FCHSD1: variants seen among roughly 807,000 people sequenced by gnomAD.
FCHSD1 encodes the protein F-BAR and double SH3 domains protein 1.
In FCHSD1, 109 loss-of-function variants were observed where a neutral mutation model predicts 101.3. That is an observed-to-expected ratio of 1.08 (90% CI 0.92 to 1.26). The LOEUF is 1.26. Ranked by LOEUF, FCHSD1 falls within the 50% of genes most tolerant of loss-of-function variation. FCHSD1 has a pLI of 0.00. For synonymous variants in FCHSD1, 291 were observed against 356.8 expected, an observed-to-expected ratio of 0.82 and a Z score of 2.08; for missense variants, 820 against 895.8, an observed-to-expected ratio of 0.92 and a Z score of 1.08.
rs772799960 is a variant in FCHSD1 at position 141,649,521 on chromosome 5, G to A, written c.249C>T (p.Phe83=). The A allele has an allele frequency of 1.5e-5, 24 of 1,612,622 alleles. No homozygotes were observed. Among genetic ancestry groups the A allele is most frequent in the Middle Eastern group, 1.6e-4 (1 of 6,084 alleles). The part of the protein sequence containing the change: ...GEMDSRGRTV[F]GAWRCLLDAT... The stretch of plus-strand genomic sequence containing the variant: ...CATCCAGCAGGCAGCGCCAGGCACC[G>A]AACACTGTCCTGCCCCTCCCCAGAG... Residue 83 remains phenylalanine (F), a synonymous_variant, in exon 5 of 20, where the codon TTC becomes TTT. Coordinates refer to ENST00000435817, the MANE Select transcript of FCHSD1 (RefSeq NM_033449.3). The surrounding 1 kb of genome is among the most constrained non-coding windows in gnomAD (Gnocchi z 4.1).
chr5:141,644,933 C>T lies in FCHSD1; in HGVS notation c.1450G>A (p.Glu484Lys). 6.2e-7 allele frequency: 1 copy of T among 1,613,974 alleles called. No homozygotes were observed. The highest frequency in any genetic ancestry group is 2.2e-5 in the East Asian group (1 of 44,880). Reference protein sequence around the residue: ...HVVFRYQAGREDELTITEGEW... With the variant: ...HVVFRYQAGRKDELTITEGEW... ...CCCTCCGTGATTGTCAGCTCATCCT[C>T]ACGCCCTGCCTGGGCCACACACGAA... Residue 484 changes from glutamate (E) to lysine (K), a missense_variant, in exon 15 of 20, where the codon GAG (glutamate) becomes AAG (lysine). Coordinates refer to ENST00000435817, the MANE Select transcript of FCHSD1 (RefSeq NM_033449.3).
chr5:141,645,887 C>G lies in FCHSD1; in HGVS notation c.1195G>C (p.Ala399Pro), dbSNP rs761663840. Reference protein sequence around the residue: ...GAARLALLQGAGLDVERWLKP... With the variant: ...GAARLALLQGPGLDVERWLKP... ...AGCCAGCGCTCCACATCTAAGCCAGCCCCCTGCAGCAGGGCCAGCCGGGCA... is the reference window on the plus strand; with the variant it reads ...AGCCAGCGCTCCACATCTAAGCCAGGCCCCTGCAGCAGGGCCAGCCGGGCA... The change falls in exon 13 of 20, where the codon GCT becomes CCT. Residue 399 changes from alanine (A) to proline (P), a missense_variant. Physicochemically the swap from Ala to Pro is conservative, Grantham distance 27 (BLOSUM62 -1). Coordinates refer to ENST00000435817, the MANE Select transcript of FCHSD1 (RefSeq NM_033449.3). The G allele has an allele frequency of 5.1e-6, 8 of 1,581,682 alleles. No homozygotes were observed. Among genetic ancestry groups the G allele is most frequent in the Non-Finnish European group, 6.9e-6 (8 of 1,163,578 alleles).
chr5:141,640,610 G>A lies in FCHSD1; in HGVS notation c.*888C>T, dbSNP rs1057136210. 3.2e-6 allele frequency: 5 copies of A among 1,541,356 alleles called. No individual in the cohort carries two copies. The Admixed American group carries it at 7.9e-5, about 24-fold the overall frequency. ...AGGTAGGGAAGGTCCTGGAGCCCCA[G>A]GGGAAAAGCTGGACACAGCTTGAAC... On this transcript the variant is annotated 3_prime_UTR_variant, in exon 20 of 20. Transcript: ENST00000435817.
chr5:141,643,718 C>T (rs922012487), intron 17 of FCHSD1, among the ~76,000 whole-genome samples: 23 of 152,136 alleles, frequency 1.5e-4, no homozygotes, highest in Admixed American at 4.6e-4. Context: ...CGTGGCAGCA[C>T]GTGCCTGTAA....
chr5:141,644,506 G>A, intron 16 of FCHSD1, 67 bp downstream of exon 16: 1 of 1,607,978 alleles, frequency 6.2e-7, no homozygotes, highest in Non-Finnish European at 8.5e-7. Flanking sequence ...TGACACCCCA[G>A]GGCTACAACC....
In FCHSD1 at chr5:141,640,341, T is replaced by C; in HGVS notation, c.*1157A>G. 1 of 1,613,986 alleles carries C rather than the reference T, an allele frequency of 6.2e-7. No homozygotes were observed. The highest frequency in any genetic ancestry group is 8.5e-7 in the Non-Finnish European group (1 of 1,179,938). On this transcript the variant is annotated 3_prime_UTR_variant, in exon 20 of 20. Transcript: ENST00000435817. The stretch of plus-strand genomic sequence containing the variant: ...CTGCACTGGGCTGGGCTCTTATTGC[T>C]CTCTACTCTGGGGGGCACTGATAGG...
In FCHSD1 at chr5:141,645,108, T is replaced by A; in HGVS notation, c.1352A>T (p.Glu451Val). 1 of 1,569,636 alleles carries A rather than the reference T, an allele frequency of 6.4e-7. No homozygotes were observed. The highest frequency in any genetic ancestry group is 8.6e-7 in the Non-Finnish European group (1 of 1,157,040). The part of the protein sequence containing the change: ...AELSDFEECE[E>V]TGELFEEPAP... ...AGGCTCCTCAAAGAGCTCTCCCGTCTCCTCACATTCCTCAAAGTCAGAAAG... is the reference window on the plus strand; with the variant it reads ...AGGCTCCTCAAAGAGCTCTCCCGTCACCTCACATTCCTCAAAGTCAGAAAG... Residue 451 changes from glutamate (E) to valine (V), a missense_variant, in exon 14 of 20, where the codon GAG (glutamate) becomes GTG (valine). By Grantham distance (121) the Glu-to-Val change is moderately radical. Coordinates refer to ENST00000435817, the MANE Select transcript of FCHSD1 (RefSeq NM_033449.3).
At chr5:141,651,172 C>G in intron 1 of FCHSD1, 55 bp from the exon 2 acceptor site, 1 of 1,525,276 alleles carries the variant, frequency 6.6e-7, no homozygotes, top group South Asian at 1.2e-5. Flanking sequence ...AAAAACACTC[C>G]GCGCAGGGAG....
In FCHSD1 at chr5:141,639,993, T is replaced by C; in HGVS notation, c.*1505A>G. On this transcript the variant is annotated 3_prime_UTR_variant, in exon 20 of 20. Coordinates refer to ENST00000435817, the MANE Select transcript of FCHSD1 (RefSeq NM_033449.3). The surrounding 1 kb of genome is among the most constrained non-coding windows in gnomAD (Gnocchi z 4.4). ...TGATGGCTCCCCCACAGACAGGAGC[T>C]GGGGCTCTGGTGGGGGACAGGACCC... is the stretch of plus-strand genomic sequence containing the variant. 1 of 1,613,562 alleles carries C rather than the reference T, an allele frequency of 6.2e-7. No individual in the cohort carries two copies. Among genetic ancestry groups the C allele is most frequent in the Non-Finnish European group, 8.5e-7 (1 of 1,179,788 alleles).
At chr5:141,643,754 A>G (rs1007190290) in intron 17 of FCHSD1, among the ~76,000 whole-genome samples, 3 of 151,942 alleles carry the variant, frequency 2.0e-5, no homozygotes, top group Non-Finnish European at 4.4e-5. Flanking sequence ...GGGCTGATAC[A>G]GGAGAATCGT....
chr5:141,643,714 A>G (rs467677), intron 17 of FCHSD1, among the ~76,000 whole-genome samples: 26,750 of 151,970 alleles, frequency 0.18, 2,954 homozygotes, highest in African/African-American at 0.31. Context: ...CGGGCGTGGC[A>G]GCACGTGCCT....
chr5:141,644,379 G>C lies in FCHSD1; in HGVS notation c.1702C>G (p.Pro568Ala). ...TGQSAEELSFPEGALIRLLPR... is the reference protein window; with the variant it reads ...TGQSAEELSFAEGALIRLLPR... ...AGCAGACGGATGAGTGCCCCCTCAG[G>C]GAAGCTCAGCTCCTCTGCACTCTGT... Residue 568 changes from proline (P) to alanine (A), a missense_variant, in exon 17 of 20, where the codon CCT (proline) becomes GCT (alanine). Pro to Ala is a conservative substitution (Grantham distance 27). Transcript: ENST00000435817. The C allele has an allele frequency of 6.2e-7, 1 of 1,613,950 alleles. No individual in the cohort carries two copies. Among genetic ancestry groups the C allele is most frequent in the Non-Finnish European group, 8.5e-7 (1 of 1,179,864 alleles).
chr5:141,642,632 C>T (rs1464330129), intron 18 of FCHSD1: 2 of 540,416 alleles, frequency 3.7e-6, no homozygotes, highest in Non-Finnish European at 6.5e-6. Context: ...TGGGAGGACA[C>T]CGTGAGAGAA....
At position 141,644,626 on chromosome 5, in the gene FCHSD1, G is replaced by T. The variant is rs2291110; in HGVS notation, c.1589C>A (p.Ser530Tyr). 1.6e-4 allele frequency: 257 copies of T among 1,613,984 alleles called. No homozygotes were observed. In the East Asian group the frequency reaches 4.8e-3, roughly 30 times the overall value. Residue 530 changes from serine (S) to tyrosine (Y), a missense_variant, in exon 16 of 20, where the codon TCC becomes TAC. Coordinates refer to ENST00000435817, the MANE Select transcript of FCHSD1 (RefSeq NM_033449.3). ...PERYLNFPDL[S>Y]LPESSQDSDN... is the part of the protein sequence containing the mutation. The stretch of plus-strand genomic sequence containing the variant: ...ACTGTCTTGGCTGCTCTCTGGGAGG[G>T]AGAGGTCCGGGAAGTTGAGATATCG...
chr5:141,648,238 A>G, intron 7 of FCHSD1, 142 bp from the exon 8 acceptor site: 1 of 1,024,936 alleles, frequency 9.8e-7, no homozygotes, highest in South Asian at 1.8e-5. Flanking sequence ...AATGTTGCAT[A>G]CACACAACTC....
intron 13 of FCHSD1, 138 bp from the exon 14 acceptor site, chr5:141,645,286 CCA>C (rs2099907513): frequency 6.0e-6 from 7 of 1,157,824 alleles, no homozygotes; most frequent in Non-Finnish European, 8.5e-6. Context: ...ATGTACACAA[CCA>C]CAGTCACCAC....
chr5:141,643,704 C>T (rs1035566214), intron 17 of FCHSD1, among the ~76,000 whole-genome samples: 13 of 152,040 alleles, frequency 8.6e-5, no homozygotes, highest in Non-Finnish European at 1.3e-4. Context: ...GAAAATTAGC[C>T]GGGCGTGGCA....
In FCHSD1 at chr5:141,639,345, T is replaced by C. The variant is rs2099906569; in HGVS notation, c.*2153A>G. 1.3e-6 allele frequency: 1 copy of C among 758,478 alleles called. No homozygotes were observed. The highest frequency in any genetic ancestry group is 2.1e-6 in the Non-Finnish European group (1 of 478,632). 47.0% of individuals were successfully genotyped at this position (758,478 alleles called of 1,614,324 possible). On this transcript the variant is annotated 3_prime_UTR_variant, in exon 20 of 20. Coordinates refer to ENST00000435817, the MANE Select transcript of FCHSD1 (RefSeq NM_033449.3). The surrounding 1 kb of genome is among the most constrained non-coding windows in gnomAD (Gnocchi z 4.4). Reference sequence around the variant, plus strand: ...TTTATTAGATAAAGACAAGAAAAAATGGGGCTTGGGGAAATTGGGGCTTCT... The same window carrying C: ...TTTATTAGATAAAGACAAGAAAAAACGGGGCTTGGGGAAATTGGGGCTTCT...
rs563760739 is a variant in FCHSD1 at position 141,649,110 on chromosome 5, C to G, written c.512+62G>C. ...CCCAGCTTTGGTGACTTGGCTCCAC[C>G]CCTAGACAGCCCCACCTCCCTGTTC... On this transcript the variant is annotated intron_variant, in intron 6 of 19. Transcript: ENST00000435817. The surrounding 1 kb of genome is among the most constrained non-coding windows in gnomAD (Gnocchi z 4.1). The G allele has an allele frequency of 3.7e-6, 6 of 1,613,756 alleles. No homozygotes were observed. In the South Asian group the frequency reaches 6.6e-5, roughly 18 times the overall value.
Sources: allele counts gnomAD v4.1 joint callset (sites outside exome capture counted in the v4.1 genomes callset), GRCh38; gene constraint gnomAD v4.1.1; non-coding constraint Gnocchi (gnomAD v3.1); transcripts MANE v1.5; gene names NCBI Gene and HGNC (gene_info 2026-07-23, HGNC 2026-07-21).